Variants in HDLBP observed in about 807,000 individuals in gnomAD.
HDLBP encodes high density lipoprotein binding protein.
HDLBP carries 30 observed loss-of-function variants against 137.3 expected under a neutral mutation model. That is an observed-to-expected ratio of 0.22 (90% CI 0.16 to 0.30). The LOEUF is 0.30. Ranked by LOEUF, HDLBP falls within the 10% of genes least tolerant of loss-of-function variation. The pLI is 1.00. For synonymous variants in HDLBP, 606 were observed against 596.0 expected (o/e 1.02, Z -0.24); for missense variants, 1,119 against 1,667.3 (o/e 0.67, Z 5.73).
chr2:241,236,948 C>T (rs1441837054), intron 20 of HDLBP, among the ~76,000 whole-genome samples, 179 bp from the exon 21 acceptor site: 2 of 145,056 alleles, frequency 1.4e-5, no homozygotes, highest in South Asian at 2.2e-4. Flanking sequence ...GACGTCCCCA[C>T]AGCAGCCTCA....
At chr2:241,236,307 A>C in intron 21 of HDLBP, 1 of 388,224 alleles carries the variant, frequency 2.6e-6, no homozygotes, top group Non-Finnish European at 4.7e-6. Flanking sequence ...TGGAGGTCAC[A>C]TTCATCCCCC....
chr2:241,232,894 T>C (rs1189587824), intron 24 of HDLBP, among the ~76,000 whole-genome samples: 2 of 151,424 alleles, frequency 1.3e-5, no homozygotes, highest in Admixed American at 6.6e-5. Context: ...ACGTGGGAGC[T>C]GGAGGAGGCA....
intron 11 of HDLBP, 113 bp from the exon 12 acceptor site, chr2:241,250,093 T>A: frequency 9.2e-7 from 1 of 1,090,542 alleles, no homozygotes; most frequent in Non-Finnish European, 1.3e-6. Context: ...GTGATTCCCA[T>A]CACCAAAAAC....
chr2:241,276,659 T>C (rs903972250), intron 1 of HDLBP, among the ~76,000 whole-genome samples: 6 of 152,128 alleles, frequency 3.9e-5, no homozygotes, highest in Admixed American at 3.9e-4. Flanking sequence ...CATATGAAAG[T>C]TGGTTATATT....
intron 2 of HDLBP, 142 bp downstream of exon 2, chr2:241,268,335 C>A (rs2073831197): frequency 5.9e-6 from 2 of 336,252 alleles, no homozygotes; most frequent in South Asian, 1.2e-4. Context: ...GCTATGGAGA[C>A]ATCTCTGACG....
intron 6 of HDLBP, 45 bp downstream of exon 6, chr2:241,256,555 C>T (rs1176849271): frequency 1.3e-6 from 2 of 1,595,182 alleles, no homozygotes; most frequent in East Asian, 4.5e-5. Flanking sequence ...GTGAGGTCTG[C>T]ACAAGCAGGT....
intron 1 of HDLBP, among the ~76,000 whole-genome samples, chr2:241,307,202 C>T (rs1434243511): frequency 6.6e-6 from 1 of 152,192 alleles, no homozygotes; most frequent in Non-Finnish European, 1.5e-5. Flanking sequence ...CTGCAGGTCT[C>T]ACAAGGTCTA....
At chr2:241,237,845 TAGAC>T (rs748507434) in intron 20 of HDLBP, among the ~76,000 whole-genome samples, 5 of 152,246 alleles carry the variant, frequency 3.3e-5, no homozygotes, top group South Asian at 2.1e-4. Context: ...GTGTAAAACA[TAGAC>T]AGAGTGCAGT....
chr2:241,307,598 C>G (rs2149714473), intron 1 of HDLBP, among the ~76,000 whole-genome samples: 1 of 152,160 alleles, frequency 6.6e-6, no homozygotes, highest in Admixed American at 6.5e-5. Context: ...AACTGGCAAC[C>G]CCCCCATGAG....
At chr2:241,236,867 G>A in intron 20 of HDLBP, 98 bp from the exon 21 acceptor site, 1 of 1,344,582 alleles carries the variant, frequency 7.4e-7, no homozygotes, top group Non-Finnish European at 1.0e-6. Flanking sequence ...GCTGGGTGCT[G>A]GGTGGTAAAA....
rs1406351960 is a variant in HDLBP, at chr2:241,248,260, C to T, written c.1601G>A (p.Arg534His). The change falls in exon 13 of 28, where the codon CGT (arginine) becomes CAT (histidine). Residue 534 changes from arginine to histidine, a missense_variant. Arg to His is a conservative substitution (Grantham distance 29). Coordinates refer to ENST00000310931, the MANE Select transcript of HDLBP (RefSeq NM_005336.6). ...AAACTTTACCTCTGGGAATTTGTCA[C>T]GAATTTCACGGATCCGTTCACCCTT... ...GQKGERIREI[R>H]DKFPEVIINF... is the part of the protein sequence containing the mutation. 2.5e-6 allele frequency: 4 copies of T among 1,613,662 alleles called. No homozygotes were observed. Among genetic ancestry groups the T allele is most frequent in the East Asian group, 2.2e-5 (1 of 44,882 alleles).
intron 1 of HDLBP, among the ~76,000 whole-genome samples, chr2:241,306,007 A>C (rs1446184003): frequency 6.6e-6 from 1 of 151,684 alleles, no homozygotes; most frequent in Non-Finnish European, 1.5e-5. Flanking sequence ...TGATCCACCC[A>C]CCTCAGCCTC....
intron 1 of HDLBP, among the ~76,000 whole-genome samples, chr2:241,309,310 C>T (rs2075689317): frequency 6.6e-6 from 1 of 152,216 alleles, no homozygotes; most frequent in Non-Finnish European, 1.5e-5. Context: ...CTTGCATTTT[C>T]CTTACTGTGT....
chr2:241,251,699 G>T (rs760851836), intron 11 of HDLBP, among the ~76,000 whole-genome samples: 61 of 152,250 alleles, frequency 4.0e-4, no homozygotes, highest in Non-Finnish European at 6.3e-4. Context: ...TCTTGGTTGG[G>T]CACAGTGGCT....
chr2:241,297,971 C>G (rs183859760), intron 1 of HDLBP, among the ~76,000 whole-genome samples: 1 of 140,670 alleles, frequency 7.1e-6, no homozygotes, highest in Non-Finnish European at 1.5e-5. Flanking sequence ...TCACTTGAAC[C>G]CAGGAGGCAG....
chr2:241,261,300 C>T (rs1353977641), intron 5 of HDLBP, among the ~76,000 whole-genome samples: 1 of 151,742 alleles, frequency 6.6e-6, no homozygotes, highest in African/African-American at 2.4e-5. Flanking sequence ...TGGACACTGA[C>T]TTGAAAAGAC....
At chr2:241,248,200 G>T (rs2071830291) in intron 13 of HDLBP, 44 bp downstream of exon 13, 4 of 1,557,192 alleles carry the variant, frequency 2.6e-6, no homozygotes, top group Admixed American at 3.3e-5. Flanking sequence ...AGTGTGACTT[G>T]GATCACTCCT....
chr2:241,280,569 T>G (rs1187566733), intron 1 of HDLBP, among the ~76,000 whole-genome samples: 2 of 152,218 alleles, frequency 1.3e-5, no homozygotes, highest in Non-Finnish European at 2.9e-5. Context: ...GGCTTATTTC[T>G]TTGATTCACG....
At chr2:241,243,035 G>A (rs1005604625) in intron 16 of HDLBP, among the ~76,000 whole-genome samples, 1 of 152,210 alleles carries the variant, frequency 6.6e-6, no homozygotes, top group Non-Finnish European at 1.5e-5. Flanking sequence ...TCTGCCAGAG[G>A]TGGCTCCATA....
Sources: gnomAD v4.1 joint callset for allele counts (sites outside exome capture counted in the v4.1 genomes callset) on GRCh38, gnomAD v4.1.1 for gene constraint, MANE v1.5 for transcripts, NCBI Gene and HGNC (gene_info 2026-07-23, HGNC 2026-07-21) for gene names.